The following ST8SIA4 variants were observed in gnomAD, a reference collection of about 807,000 sequenced individuals.
The protein encoded by ST8SIA4 is ST8 alpha-N-acetyl-neuraminide alpha-2,8-sialyltransferase 4.
ST8SIA4 carries 15 observed loss-of-function variants against 33.9 expected under a neutral mutation model. That is an observed-to-expected ratio of 0.44 (90% CI 0.30 to 0.68). The LOEUF is 0.68. Ranked by LOEUF, ST8SIA4 falls within the 30% of genes least tolerant of loss-of-function variation. ST8SIA4 has a pLI of 0.10. For missense variants in ST8SIA4, 321 were observed against 428.0 expected, an observed-to-expected ratio of 0.75 and a Z score of 2.21; for synonymous variants, 171 against 151.2, an observed-to-expected ratio of 1.13 and a Z score of -0.96.
At chr5:100,892,174 T>C (rs1254452981) in intron 2 of ST8SIA4, among the ~76,000 whole-genome samples, 1 of 151,696 alleles carries the variant, frequency 6.6e-6, no homozygotes, top group Admixed American at 6.6e-5. Context: ...TAAAAAACAA[T>C]AACAAAAAAA....
In ST8SIA4 at chr5:100,903,001, C is replaced by T; in HGVS notation, c.-46G>A. On this transcript the variant is annotated 5_prime_UTR_variant, in exon 1 of 5. Transcript: ENST00000231461. ...CTGGTTGCCCCAGCTCCCGCACCTT[C>T]TCTTGATATAAAGGCTCCGTTTTGG... 1.4e-6 allele frequency: 2 copies of T among 1,397,288 alleles called. No individual in the cohort carries two copies. The highest frequency in any genetic ancestry group is 2.3e-5 in the South Asian group (2 of 86,610). The allele number at this position is 1,397,288 out of a possible 1,614,324, so 86.6% of individuals were successfully genotyped here. A position where few individuals can be genotyped will look rare whatever the true frequency, so the allele number is the denominator to read the frequency against.
intron 4 of ST8SIA4, among the ~76,000 whole-genome samples, chr5:100,820,963 T>C (rs1751020549): frequency 6.6e-6 from 1 of 152,148 alleles, no homozygotes; most frequent in Non-Finnish European, 1.5e-5. Flanking sequence ...ACTATTTTAA[T>C]GACCTTCACG....
At position 100,864,883 on chromosome 5, in the gene ST8SIA4, A is replaced by G. The variant is rs371053107; in HGVS notation, c.504-8487T>C. On this transcript the variant is annotated intron_variant, in intron 3 of 4. Transcript: ENST00000231461. ...ATTATTTAATTTGACTACTTGTGAC[A>G]TTTGCATAGTGTTTCTTAAATTTCA... Among the ~76,000 whole-genome samples, 128 of 152,252 alleles carry G rather than the reference A, an allele frequency of 8.4e-4. 1 individual carries two copies. The highest frequency in any genetic ancestry group is 5.0e-4 in the Non-Finnish European group (34 of 68,014).
chr5:100,869,995 A>C (rs1580473109), intron 3 of ST8SIA4, among the ~76,000 whole-genome samples: 1 of 150,674 alleles, frequency 6.6e-6, no homozygotes, highest in African/African-American at 2.4e-5. Flanking sequence ...TATCTCTCCC[A>C]CCTCCCCCAC....
intron 4 of ST8SIA4, chr5:100,816,366 C>T (rs758971255): frequency 5.0e-6 from 2 of 398,948 alleles, no homozygotes; most frequent in Non-Finnish European, 1.0e-5. Context: ...GTTTTAGGAA[C>T]AAAAATGTTA....
chr5:100,846,883 T>A (rs1386263124), intron 4 of ST8SIA4, among the ~76,000 whole-genome samples: 1 of 152,104 alleles, frequency 6.6e-6, no homozygotes, highest in African/African-American at 2.4e-5. Flanking sequence ...TTCTCAGACA[T>A]AAACTATTTA....
At chr5:100,829,769 G>A (rs572887058) in intron 4 of ST8SIA4, among the ~76,000 whole-genome samples, 7 of 152,218 alleles carry the variant, frequency 4.6e-5, no homozygotes, top group African/African-American at 9.6e-5. Flanking sequence ...TTAGCCGGAC[G>A]TGGTGGTGGG....
chr5:100,851,684 G>GT (rs1039220497), intron 4 of ST8SIA4, among the ~76,000 whole-genome samples: 2 of 151,876 alleles, frequency 1.3e-5, no homozygotes, highest in African/African-American at 4.8e-5. Flanking sequence ...CTATCTATAG[G>GT]TTTTTTGGAA....
intron 2 of ST8SIA4, 70 bp downstream of exon 2, chr5:100,895,584 C>A: frequency 6.8e-7 from 1 of 1,471,678 alleles, no homozygotes; most frequent in Non-Finnish European, 9.3e-7. Context: ...GTGTTGAATA[C>A]AAGTTTGCCA....
chr5:100,857,379 CA>C (rs1246711657), intron 3 of ST8SIA4, among the ~76,000 whole-genome samples: 22 of 151,306 alleles, frequency 1.5e-4, no homozygotes, highest in Non-Finnish European at 4.4e-5. Flanking sequence ...AAAATAGCTT[CA>C]TTTTTTTTTT....
At chr5:100,867,445 T>C (rs1293689314) in intron 3 of ST8SIA4, among the ~76,000 whole-genome samples, 1 of 152,024 alleles carries the variant, frequency 6.6e-6, no homozygotes, top group Non-Finnish European at 1.5e-5. Context: ...AATTATGTTG[T>C]GCACTAAAAA....
At position 100,856,199 on chromosome 5, in the gene ST8SIA4, T is replaced by A; in HGVS notation, c.701A>T (p.Glu234Val). ...TGCATTAACCCACTCCACGTGCTTC[T>A]CTCCTCCTTTGACCATGAAAGCAGG... ...WIPAFMVKGG[E>V]KHVEWVNALI... The change falls in exon 4 of 5, where the codon GAG becomes GTG. Residue 234 changes from glutamate to valine, a missense_variant. Physicochemically the swap from Glu to Val is moderately radical, Grantham distance 121. Coordinates refer to ENST00000231461, the MANE Select transcript of ST8SIA4 (RefSeq NM_005668.6). 6.2e-7 allele frequency: 1 copy of A among 1,614,160 alleles called. No individual in the cohort carries two copies. Among genetic ancestry groups the A allele is most frequent in the Non-Finnish European group, 8.5e-7 (1 of 1,180,006 alleles).
At chr5:100,885,694 TCTA>T (rs549724842) in intron 3 of ST8SIA4, 9 of 941,408 alleles carry the variant, frequency 9.6e-6, no homozygotes, top group Non-Finnish European at 1.1e-5. Flanking sequence ...TAATTCCATT[TCTA>T]CTGTTGAGTT....
intron 4 of ST8SIA4, among the ~76,000 whole-genome samples, chr5:100,843,758 C>T (rs770572429): frequency 1.3e-4 from 19 of 151,944 alleles, no homozygotes; most frequent in Non-Finnish European, 2.2e-4. Context: ...GTCAGCCATA[C>T]TGTTGCTCCA....
intron 4 of ST8SIA4, among the ~76,000 whole-genome samples, chr5:100,852,144 G>T (rs1267836220): frequency 8.6e-5 from 9 of 104,446 alleles, no homozygotes; most frequent in Admixed American, 3.9e-4. Context: ...TTTTTGAGAC[G>T]GAGTATCACT....
At chr5:100,852,100 T>A (rs1032697219) in intron 4 of ST8SIA4, among the ~76,000 whole-genome samples, 10 of 150,418 alleles carry the variant, frequency 6.6e-5, no homozygotes, top group African/African-American at 2.4e-4. Context: ...TACTATCTTA[T>A]TTGCTCCACT....
chr5:100,824,241 A>G (rs1561385569), intron 4 of ST8SIA4, among the ~76,000 whole-genome samples: 1 of 152,194 alleles, frequency 6.6e-6, no homozygotes, highest in Non-Finnish European at 1.5e-5. Flanking sequence ...TCATGTATAA[A>G]CTGCTAAAAT....
chr5:100,887,571 C>A lies in ST8SIA4; in HGVS notation c.246-971G>T, dbSNP rs141076692. 1.3e-4 allele frequency among the ~76,000 whole-genome samples: 20 copies of A among 151,788 alleles called. No individual in the cohort carries two copies. The South Asian group carries it at 3.3e-3, about 25-fold the overall frequency. On this transcript the variant is annotated intron_variant, in intron 2 of 4. Transcript: ENST00000231461. The stretch of plus-strand genomic sequence containing the variant: ...ATAACAGATTGAGAGGCTACATGAA[C>A]GTAAATATATGCATATGCTAAGTAG...
chr5:100,820,531 A>G (rs1751014544), intron 4 of ST8SIA4, among the ~76,000 whole-genome samples: 1 of 152,150 alleles, frequency 6.6e-6, no homozygotes, highest in Non-Finnish European at 1.5e-5. Context: ...TGTTTTGATA[A>G]TGCTTGATAA....
Sources: gnomAD v4.1 joint callset for allele counts (sites outside exome capture counted in the v4.1 genomes callset) on GRCh38, gnomAD v4.1.1 for gene constraint, MANE v1.5 for transcripts, NCBI Gene and HGNC (gene_info 2026-07-23, HGNC 2026-07-21) for gene names.